EDNRB: variants seen among roughly 807,000 people sequenced by gnomAD.
EDNRB encodes Hirschsprung disease 2.
In EDNRB, 18 loss-of-function variants were observed where a neutral mutation model predicts 46.4. That is an observed-to-expected ratio of 0.39 (90% CI 0.27 to 0.57). The LOEUF (loss-of-function observed/expected upper bound fraction) is 0.57. EDNRB is among the 20% of genes least tolerant of loss of function. EDNRB has a pLI of 0.61. For synonymous variants in EDNRB, 213 were observed against 204.9 expected (o/e 1.04, Z -0.34); for missense variants, 434 against 537.5 (o/e 0.81, Z 1.90).
At chr13:77,919,935 T>G (rs1295035130), upstream of EDNRB, 1 of 216,044 alleles carries the variant, frequency 4.6e-6, no homozygotes, top group African/African-American at 2.3e-5. Context: ...GTTCCGCCGC[T>G]GTGATATTTA....
In EDNRB at chr13:77,954,037, G is replaced by A. The variant is rs141405941; in HGVS notation, c.-52+21310C>T. ...CACTCAACTCCAACCTGCAGGCAAT[G>A]CTGCCCTATCTATATCCTTATCTAC... On this transcript the variant is annotated intron_variant, in intron 1 of 7. Transcript: ENST00000646948. 8.9e-4 allele frequency among the ~76,000 whole-genome samples: 136 copies of A among 152,188 alleles called. 2 individuals carry two copies. Among genetic ancestry groups the A allele is most frequent in the African/African-American group, 2.9e-3 (122 of 41,506 alleles).
intron 1 of EDNRB, among the ~76,000 whole-genome samples, chr13:77,916,862 T>C (rs1489485423): frequency 6.6e-6 from 1 of 152,186 alleles, no homozygotes; most frequent in East Asian, 1.9e-4. Flanking sequence ...CTGGGAAAGT[T>C]TTAAATATTT....
chr13:77,934,493 A>G (rs1880497829), intron 1 of EDNRB, among the ~76,000 whole-genome samples: 1 of 152,146 alleles, frequency 6.6e-6, no homozygotes, highest in South Asian at 2.1e-4. Flanking sequence ...CTGAGGAATT[A>G]TGTCTGACAG....
intron 1 of EDNRB, among the ~76,000 whole-genome samples, chr13:77,973,505 CTT>C (rs2137698327): frequency 6.6e-6 from 1 of 152,108 alleles, no homozygotes; most frequent in South Asian, 2.1e-4. Flanking sequence ...GATGATACCT[CTT>C]TAACTTTAGC....
Position 77,918,151 on chromosome 13 carries a change from G to A in EDNRB, c.423C>T (p.Ala141=). 3 of 1,614,130 alleles carry A rather than the reference G, an allele frequency of 1.9e-6. No homozygotes were observed. The highest frequency in any genetic ancestry group is 1.6e-4 in the Middle Eastern group (1 of 6,062). The change falls in exon 1 of 7, where the codon GCC becomes GCT. Residue 141 remains alanine, a synonymous_variant. Transcript: ENST00000646607. The surrounding 1 kb of genome is among the most constrained non-coding windows in gnomAD (Gnocchi z 4.5). ...GCAGCAGGTCTCCCAGAGCCAAGCT[G>A]GCGATCAAGATATTGGGACCGTTTC... The part of the protein sequence containing the change: ...CMRNGPNILI[A]SLALGDLLHI...
At chr13:77,931,765 A>AC (rs1249859102) in intron 1 of EDNRB, among the ~76,000 whole-genome samples, 2 of 144,304 alleles carry the variant, frequency 1.4e-5, no homozygotes, top group East Asian at 2.6e-4. Flanking sequence ...AAAAAACAAA[A>AC]AAAAAAAAAC....
At chr13:77,899,498 C>T (rs912113957) in intron 6 of EDNRB, 10 of 201,528 alleles carry the variant, frequency 5.0e-5, no homozygotes, top group South Asian at 1.7e-4. Flanking sequence ...ATTGCAGCTG[C>T]GAAGTTCAGA....
At chr13:77,956,845 A>G (rs1252080563) in intron 1 of EDNRB, among the ~76,000 whole-genome samples, 2 of 152,172 alleles carry the variant, frequency 1.3e-5, no homozygotes, top group Non-Finnish European at 2.9e-5. Flanking sequence ...TCACTATGAC[A>G]TTGTCTTCTG....
At chr13:77,923,487 G>A (rs537268671), upstream of EDNRB, among the ~76,000 whole-genome samples, 93 of 152,160 alleles carry the variant, frequency 6.1e-4, no homozygotes, top group Non-Finnish European at 1.2e-3. Context: ...TTATTCTTAG[G>A]CCACTCAGTA....
At chr13:77,949,811 G>A (rs1029746020) in intron 1 of EDNRB, among the ~76,000 whole-genome samples, 1 of 152,096 alleles carries the variant, frequency 6.6e-6, no homozygotes, top group South Asian at 2.1e-4. Flanking sequence ...TCAACTAAAT[G>A]CCCTTGAAAC....
At chr13:77,929,967 GATA>G (rs796741603) in intron 1 of EDNRB, among the ~76,000 whole-genome samples, 24 of 152,330 alleles carry the variant, frequency 1.6e-4, no homozygotes, top group African/African-American at 5.8e-4. Flanking sequence ...GTTTCTGGAA[GATA>G]ATAAGAAGAG....
chr13:77,935,257 A>C (rs966751695), intron 1 of EDNRB, among the ~76,000 whole-genome samples: 2 of 152,214 alleles, frequency 1.3e-5, no homozygotes, highest in African/African-American at 2.4e-5. Flanking sequence ...TTGTTTGGAT[A>C]AAAAGGCTAC....
chr13:77,951,603 C>T (rs1011656211), intron 1 of EDNRB, among the ~76,000 whole-genome samples: 5 of 152,126 alleles, frequency 3.3e-5, no homozygotes, highest in African/African-American at 1.2e-4. Flanking sequence ...TTGATTGGTG[C>T]AGCAAAGAGA....
At chr13:77,933,078 A>G (rs931181557) in intron 1 of EDNRB, among the ~76,000 whole-genome samples, 22 of 152,242 alleles carry the variant, frequency 1.4e-4, no homozygotes, top group Admixed American at 7.2e-4. Context: ...ATCTCTGCAA[A>G]TATCCTTTTT....
intron 1 of EDNRB, among the ~76,000 whole-genome samples, chr13:77,952,029 G>A (rs1881107684): frequency 6.6e-6 from 1 of 152,126 alleles, no homozygotes; most frequent in African/African-American, 2.4e-5. Context: ...TTTCCCCACT[G>A]CAATCCCTTC....
chr13:77,916,467 T>C (rs186314192), intron 1 of EDNRB, among the ~76,000 whole-genome samples: 1 of 152,316 alleles, frequency 6.6e-6, no homozygotes, highest in East Asian at 1.9e-4. Context: ...TCAGAATCAA[T>C]TGCCATACAG....
rs539276234 is a variant in EDNRB, at chr13:77,965,955, C to T, written c.-52+9392G>A. Among the ~76,000 whole-genome samples the T allele has an allele frequency of 3.3e-5, 5 of 152,288 alleles. No individual in the cohort carries two copies. The South Asian group carries it at 1.0e-3, about 32-fold the overall frequency. ...GCAGTGTTGTGATCACAGCTCACTG[C>T]AGCCTCAACCTTTTGGTCTCAAGCA... On this transcript the variant is annotated intron_variant, in intron 1 of 7. Coordinates refer to the EDNRB transcript ENST00000646948.
intron 1 of EDNRB, chr13:77,940,024 AAAAT>A: frequency 7.0e-6 from 1 of 143,608 alleles, no homozygotes; most frequent in East Asian, 2.0e-4. Flanking sequence ...ATAAATAAAT[AAAAT>A]AAAAATAAAA....
rs898472730 is a variant in EDNRB, at chr13:77,896,942, A to G, written c.*1258T>C. ...TGCCTCTAGATGAAAGAAAAGCACC[A>G]TGTCAAGCAAACTTTTCTATTGGCT... On this transcript the variant is annotated 3_prime_UTR_variant, in exon 7 of 7. Coordinates refer to ENST00000646607, the MANE Select transcript of EDNRB (RefSeq NM_001122659.3). The G allele has an allele frequency of 1.0e-6, 1 of 993,176 alleles. No homozygotes were observed. The highest frequency in any genetic ancestry group is 1.7e-5 in the African/African-American group (1 of 57,430). The allele number at this position is 993,176 out of a possible 1,614,324, so 61.5% of individuals were successfully genotyped here. A position where few individuals can be genotyped will look rare whatever the true frequency, so the allele number is the denominator to read the frequency against.
Sources: gnomAD v4.1 joint callset for allele counts (sites outside exome capture counted in the v4.1 genomes callset) on GRCh38, gnomAD v4.1.1 for gene constraint, Gnocchi (gnomAD v3.1) non-coding constraint, MANE v1.5 for transcripts, NCBI Gene and HGNC (gene_info 2026-07-23, HGNC 2026-07-21) for gene names.